Variants in AGBL1 observed in about 807,000 individuals in gnomAD.
AGBL1 encodes the protein AGBL carboxypeptidase 1.
AGBL1 carries 130 observed loss-of-function variants against 118.9 expected under a neutral mutation model. The observed-to-expected ratio is 1.09, with a 90% confidence interval of 0.95 to 1.26. The LOEUF (loss-of-function observed/expected upper bound fraction) is 1.26, where lower values mean the gene tolerates loss of function less well. AGBL1 is among the 50% of genes most tolerant of loss of function. AGBL1 has a pLI of 0.00. For missense variants in AGBL1, 1,584 were observed against 1,298.1 expected (o/e 1.22, Z -3.38); for synonymous variants, 555 against 478.9 (o/e 1.16, Z -2.08).
chr15:86,798,642 C>A (rs529667670), intron 22 of AGBL1, among the ~76,000 whole-genome samples: 1 of 150,948 alleles, frequency 6.6e-6, no homozygotes, highest in Non-Finnish European at 1.5e-5. Flanking sequence ...TTTCAACTTT[C>A]CTCTTGGAAA....
intron 22 of AGBL1, among the ~76,000 whole-genome samples, chr15:86,834,581 C>T (rs2079147108): frequency 6.6e-6 from 1 of 152,248 alleles, no homozygotes; most frequent in Non-Finnish European, 1.5e-5. Context: ...ATGTGTGGAT[C>T]TGAGTGCTGC....
rs555594267 is a variant in AGBL1, at chr15:86,671,417, T to C, written c.2995-2856T>C. On this transcript the variant is annotated intron_variant, in intron 21 of 22. Coordinates refer to ENST00000614907, the MANE Select transcript of AGBL1 (RefSeq NM_001386094.1). Reference sequence around the variant, plus strand: ...CGTTTAAGTCACTATAATCAGACTTTGTGTTACTGTCTGTGGAAAAAATTT... The same window carrying C: ...CGTTTAAGTCACTATAATCAGACTTCGTGTTACTGTCTGTGGAAAAAATTT... Among the ~76,000 whole-genome samples the C allele has an allele frequency of 3.9e-5, 6 of 152,346 alleles. No homozygotes were observed. In the East Asian group the frequency reaches 1.2e-3, roughly 29 times the overall value.
chr15:86,596,271 C>T (rs1318816187), intron 21 of AGBL1, among the ~76,000 whole-genome samples: 1 of 152,090 alleles, frequency 6.6e-6, no homozygotes, highest in Admixed American at 6.6e-5. Context: ...CAAAAGTCCT[C>T]TTCGCCACCC....
intron 21 of AGBL1, among the ~76,000 whole-genome samples, chr15:86,557,618 A>G (rs74389447): frequency 0.032 from 4,944 of 152,264 alleles, 149 homozygotes; most frequent in African/African-American, 0.085. Flanking sequence ...TCTACCACCC[A>G]CAAGGGCTCC....
At chr15:86,879,361 C>A (rs1360093180) in intron 22 of AGBL1, among the ~76,000 whole-genome samples, 2 of 152,138 alleles carry the variant, frequency 1.3e-5, no homozygotes, top group Non-Finnish European at 2.9e-5. Flanking sequence ...TGGGCCTCCC[C>A]ACATGGTCTT....
In AGBL1 at chr15:86,166,674, C is replaced by A. The variant is rs73443484; in HGVS notation, c.488+7648C>A. 7.2e-3 allele frequency among the ~76,000 whole-genome samples: 1,103 copies of A among 152,234 alleles called. 14 individuals carry two copies. Among genetic ancestry groups the A allele is most frequent in the African/African-American group, 0.025 (1,057 of 41,534 alleles). ...GGAACTCATCCTGCGTGTGGGTTGT[C>A]CTGATTCAGGTGTGTTGGACTGGTG... is the stretch of plus-strand genomic sequence containing the variant. On this transcript the variant is annotated intron_variant, in intron 5 of 22. Coordinates refer to ENST00000614907, the MANE Select transcript of AGBL1 (RefSeq NM_001386094.1).
chr15:86,957,495 G>A (rs1473426318), intron 23 of AGBL1, among the ~76,000 whole-genome samples: 2 of 151,916 alleles, frequency 1.3e-5, no homozygotes, highest in Admixed American at 1.3e-4. Flanking sequence ...GGGAAAAAAT[G>A]TTAGATTAAT....
At position 86,757,089 on chromosome 15, in the gene AGBL1, C is replaced by T. The variant is rs187429135; in HGVS notation, c.3158+82653C>T. ...AGAATTTACAACTAAAAACAGTATA[C>T]GATTTTCTGAGTATTTATAAATTCC... On this transcript the variant is annotated intron_variant, in intron 22 of 22. Coordinates refer to ENST00000614907, the MANE Select transcript of AGBL1 (RefSeq NM_001386094.1). 4.6e-5 allele frequency among the ~76,000 whole-genome samples: 7 copies of T among 152,004 alleles called. No homozygotes were observed. In the East Asian group the frequency reaches 7.8e-4, roughly 17 times the overall value.
chr15:86,212,606 T>C (rs946780361), intron 5 of AGBL1, among the ~76,000 whole-genome samples: 6 of 152,226 alleles, frequency 3.9e-5, no homozygotes, highest in Admixed American at 3.3e-4. Context: ...TGAACTTCAT[T>C]GGTACTAAAT....
At chr15:86,759,364 C>G (rs2077990346) in intron 22 of AGBL1, among the ~76,000 whole-genome samples, 1 of 151,984 alleles carries the variant, frequency 6.6e-6, no homozygotes. Flanking sequence ...TTTAGTTGCC[C>G]TCTTAGTCTG....
At position 86,363,648 on chromosome 15, in the gene AGBL1, T is replaced by A. The variant is rs2080838643; in HGVS notation, c.2375-33718T>A. Among the ~76,000 whole-genome samples the A allele has an allele frequency of 1.3e-5, 2 of 152,226 alleles. 1 individual carries two copies. Among genetic ancestry groups the A allele is most frequent in the South Asian group, 4.1e-4 (2 of 4,836 alleles). On this transcript the variant is annotated intron_variant, in intron 17 of 22. Coordinates refer to ENST00000614907, the MANE Select transcript of AGBL1 (RefSeq NM_001386094.1). The stretch of plus-strand genomic sequence containing the variant: ...TTCTTCTTTCTCTGTATCTCAGGAA[T>A]GTTTATGATTACTCTGTTTCAGCTA...
chr15:86,522,901 C>G lies in AGBL1; in HGVS notation c.2647C>G (p.Leu883Val), dbSNP rs1440848584. Residue 883 changes from leucine (L) to valine (V), a missense_variant, in exon 19 of 23, where the codon CTC (leucine) becomes GTC (valine). Physicochemically the swap from Leu to Val is conservative, Grantham distance 32 (BLOSUM62 1). Transcript: ENST00000614907. ...LQPTIYHAKG[L>V]LYHLSSIGRS... Reference sequence around the variant, plus strand: ...GCCAACCATTTACCATGCCAAAGGCCTCCTCTACCACCTGAGCAGCATTGG... The same window carrying G: ...GCCAACCATTTACCATGCCAAAGGCGTCCTCTACCACCTGAGCAGCATTGG... 6.2e-7 allele frequency: 1 copy of G among 1,613,880 alleles called. No homozygotes were observed. The highest frequency in any genetic ancestry group is 8.5e-7 in the Non-Finnish European group (1 of 1,179,872).
intron 17 of AGBL1, among the ~76,000 whole-genome samples, chr15:86,324,393 G>A (rs1011681485): frequency 6.6e-6 from 1 of 152,210 alleles, no homozygotes; most frequent in African/African-American, 2.4e-5. Context: ...TCCCATTATG[G>A]TGGAGTAGAC....
intron 21 of AGBL1, among the ~76,000 whole-genome samples, chr15:86,583,044 A>T (rs552963818): frequency 7.9e-5 from 12 of 151,078 alleles, no homozygotes; most frequent in East Asian, 1.9e-4. Context: ...ATTTTTTGAA[A>T]TTTTTTTTTT....
chr15:86,210,749 A>T (rs924112993), intron 5 of AGBL1, among the ~76,000 whole-genome samples: 4 of 152,040 alleles, frequency 2.6e-5, no homozygotes, highest in African/African-American at 9.7e-5. Context: ...CTTCCTTGAG[A>T]TGGGTTCGAA....
chr15:87,014,257 G>T (rs961425331), intron 24 of AGBL1, among the ~76,000 whole-genome samples: 7 of 137,784 alleles, frequency 5.1e-5, no homozygotes, highest in African/African-American at 1.3e-4. Context: ...CACAAAGAAG[G>T]CTGTGTGTAT....
At chr15:86,937,310 C>A (rs2080688551) in intron 23 of AGBL1, among the ~76,000 whole-genome samples, 1 of 152,104 alleles carries the variant, frequency 6.6e-6, no homozygotes, top group South Asian at 2.1e-4. Context: ...GCGCATATAT[C>A]CAGAGGAATA....
intron 18 of AGBL1, among the ~76,000 whole-genome samples, chr15:86,444,546 A>G (rs1025996386): frequency 6.6e-6 from 1 of 152,216 alleles, no homozygotes; most frequent in Non-Finnish European, 1.5e-5. Context: ...GGGCAGGCCA[A>G]CCTGCCTAAG....
At chr15:86,795,075 C>G (rs1458554372) in intron 22 of AGBL1, among the ~76,000 whole-genome samples, 2 of 152,232 alleles carry the variant, frequency 1.3e-5, no homozygotes, top group East Asian at 3.9e-4. Flanking sequence ...TGCTAAAGAT[C>G]AGCTGAAAAA....
Sources: allele counts gnomAD v4.1 joint callset (sites outside exome capture counted in the v4.1 genomes callset), GRCh38; gene constraint gnomAD v4.1.1; transcripts MANE v1.5; gene names NCBI Gene and HGNC (gene_info 2026-07-23, HGNC 2026-07-21).